The following PNPLA3 variants were observed in gnomAD, a reference collection of about 807,000 sequenced individuals.
PNPLA3 encodes the protein 1-acylglycerol-3-phosphate O-acyltransferase PNPLA3.
In PNPLA3, 42 loss-of-function variants were observed where a neutral mutation model predicts 43.1. The observed-to-expected ratio is 0.97, with a 90% CI of 0.76 to 1.26. PNPLA3 has a LOEUF of 1.26. PNPLA3 is among the 50% of genes most tolerant of loss of function. The pLI is 0.00. For synonymous variants in PNPLA3, 272 were observed against 253.6 expected, an observed-to-expected ratio of 1.07 and a Z score of -0.69; for missense variants, 647 against 621.4, an observed-to-expected ratio of 1.04 and a Z score of -0.44.
intron 8 of PNPLA3, 147 bp from the exon 9 acceptor site, chr22:43,946,007 T>C (rs979885784): frequency 1.3e-6 from 1 of 755,316 alleles, no homozygotes; most frequent in Non-Finnish European, 2.2e-6. Flanking sequence ...CACTGAGGGC[T>C]AGAAGAAGCT....
chr22:43,938,421 G>T (rs2050009954), intron 6 of PNPLA3, among the ~76,000 whole-genome samples: 1 of 152,192 alleles, frequency 6.6e-6, no homozygotes, highest in African/African-American at 2.4e-5. Context: ...CAGTTGCACA[G>T]GCTGGACAGG....
intron 2 of PNPLA3, among the ~76,000 whole-genome samples, chr22:43,927,784 C>A (rs1427139014): frequency 1.3e-5 from 2 of 152,102 alleles, no homozygotes; most frequent in African/African-American, 4.8e-5. Context: ...AATGTTTGTA[C>A]TTTTTGTAGA....
intron 6 of PNPLA3, chr22:43,939,324 A>G (rs1436792139): frequency 4.4e-6 from 4 of 907,828 alleles, no homozygotes; most frequent in East Asian, 1.2e-4. Flanking sequence ...ACCATTTTCT[A>G]TTTAATTTCA....
intron 7 of PNPLA3, among the ~76,000 whole-genome samples, chr22:43,942,206 G>A (rs1250505982): frequency 1.3e-5 from 2 of 152,150 alleles, no homozygotes; most frequent in Non-Finnish European, 2.9e-5. Flanking sequence ...TGTGCCCTGG[G>A]CTGTCCACCA....
intron 3 of PNPLA3, 69 bp downstream of exon 3, chr22:43,928,958 T>G: frequency 6.9e-7 from 1 of 1,453,532 alleles, no homozygotes; most frequent in Non-Finnish European, 9.7e-7. Flanking sequence ...ATCTCCTGCC[T>G]GCAGGGCACT....
chr22:43,937,394 C>T (rs760405738), intron 6 of PNPLA3, 122 bp downstream of exon 6: 48 of 850,790 alleles, frequency 5.6e-5, no homozygotes, highest in Non-Finnish European at 8.9e-5. Context: ...TGGTTGGGAA[C>T]ATCTCCTTCC....
intron 7 of PNPLA3, 138 bp downstream of exon 7, chr22:43,940,263 C>G (rs2050022898): frequency 9.3e-7 from 1 of 1,071,114 alleles, no homozygotes; most frequent in South Asian, 1.6e-5. Flanking sequence ...ATGTGCAATG[C>G]CCCTGAATGT....
chr22:43,937,403 C>A, intron 6 of PNPLA3, 131 bp downstream of exon 6: 1 of 811,340 alleles, frequency 1.2e-6, no homozygotes, highest in Non-Finnish European at 2.0e-6. Flanking sequence ...ACATCTCCTT[C>A]CATGTGTACA....
Position 43,929,789 on chromosome 22 carries a change from G to T in PNPLA3, c.486+900G>T, listed in dbSNP as rs974818454. 4.1e-4 allele frequency among the ~76,000 whole-genome samples: 62 copies of T among 151,938 alleles called. 1 individual carries two copies. The highest frequency in any genetic ancestry group is 3.8e-3 in the Admixed American group (58 of 15,272). On this transcript the variant is annotated intron_variant, in intron 3 of 8. Transcript: ENST00000216180. The stretch of plus-strand genomic sequence containing the variant: ...TTTTTGTATTTTTAGTAGAGACAGG[G>T]TTTCATCATATTGGCCAGGCTGGTC...
chr22:43,946,131 C>T, intron 8 of PNPLA3, 23 bp from the exon 9 acceptor site: 2 of 1,608,240 alleles, frequency 1.2e-6, no homozygotes, highest in South Asian at 1.1e-5. Flanking sequence ...GGCCTCTAAG[C>T]CAACTTCCTC....
chr22:43,924,185 C>A, intron 1 of PNPLA3, 87 bp downstream of exon 1: 1 of 1,334,058 alleles, frequency 7.5e-7, no homozygotes, highest in Non-Finnish European at 9.6e-7. Flanking sequence ...GGTCGCGGGG[C>A]CCTGGAGGAG....
rs767520831 is a variant in PNPLA3 at position 43,924,116 on chromosome 22, G to A, written c.187+18G>A. The A allele has an allele frequency of 1.3e-6, 2 of 1,520,660 alleles. No homozygotes were observed. The highest frequency in any genetic ancestry group is 2.2e-4 in the Middle Eastern group (1 of 4,538). 94.2% of individuals were successfully genotyped at this position (1,520,660 alleles called of 1,614,324 possible). ...CCCGCTGGGTGCGTCTGGGGACGCTGCCCGGGCTCCACGTGCGGAGTGGGT... is the reference window on the plus strand; with the variant it reads ...CCCGCTGGGTGCGTCTGGGGACGCTACCCGGGCTCCACGTGCGGAGTGGGT... On this transcript the variant is annotated intron_variant, in intron 1 of 8. Transcript: ENST00000216180.
At chr22:43,943,675 CAT>C (rs962471903) in intron 7 of PNPLA3, among the ~76,000 whole-genome samples, 6 of 152,344 alleles carry the variant, frequency 3.9e-5, no homozygotes, top group African/African-American at 1.2e-4. Context: ...CACTGGGAAA[CAT>C]AGGGTGGTTG....
At chr22:43,937,756 C>G (rs987628952) in intron 6 of PNPLA3, among the ~76,000 whole-genome samples, 3 of 152,166 alleles carry the variant, frequency 2.0e-5, no homozygotes, top group African/African-American at 4.8e-5. Flanking sequence ...TGAGACCTCT[C>G]CTAATTTCTC....
intron 8 of PNPLA3, among the ~76,000 whole-genome samples, chr22:43,945,021 C>T (rs554996138): frequency 2.6e-5 from 4 of 152,246 alleles, no homozygotes; most frequent in South Asian, 2.1e-4. Context: ...GAAGACTTCC[C>T]GTCGGATGAG....
intron 3 of PNPLA3, among the ~76,000 whole-genome samples, chr22:43,929,271 T>C (rs2049946015): frequency 6.6e-6 from 1 of 151,740 alleles, no homozygotes; most frequent in Admixed American, 6.6e-5. Context: ...AGGTCAGGAG[T>C]TCGAGACCAG....
At chr22:43,924,273 T>A (rs2049906756) in intron 1 of PNPLA3, 175 bp downstream of exon 1, 1 of 799,374 alleles carries the variant, frequency 1.3e-6, no homozygotes, top group Non-Finnish European at 1.8e-6. Context: ...GGGGCGCTGT[T>A]CCTGGGCCCG....
chr22:43,925,328 T>A (rs988414812), intron 1 of PNPLA3, among the ~76,000 whole-genome samples: 4 of 152,138 alleles, frequency 2.6e-5, no homozygotes, highest in African/African-American at 9.7e-5. Flanking sequence ...TCTCACTAGC[T>A]GGAACTACTG....
At chr22:43,942,588 A>T (rs2050037559) in intron 7 of PNPLA3, among the ~76,000 whole-genome samples, 1 of 151,868 alleles carries the variant, frequency 6.6e-6, no homozygotes, top group Admixed American at 6.6e-5. Context: ...TCAGTTATTG[A>T]GCTGGACAAG....
Sources: gnomAD v4.1 joint callset for allele counts (sites outside exome capture counted in the v4.1 genomes callset) on GRCh38, gnomAD v4.1.1 for gene constraint, MANE v1.5 for transcripts, NCBI Gene and HGNC (gene_info 2026-07-23, HGNC 2026-07-21) for gene names.